The following ZNF469 variants were observed in gnomAD, a reference collection of about 807,000 sequenced individuals.
ZNF469 encodes the protein zinc finger protein 469.
ZNF469 carries 1 observed loss-of-function variant against 1.0 expected under a neutral mutation model. That is an observed-to-expected ratio of 1.00 (90% CI 0.35 to 4.73). The LOEUF is 4.73. Among genes scored for constraint, ZNF469 ranks in the 30% most tolerant of loss-of-function variants. ZNF469 has a pLI of 0.16. For synonymous variants in ZNF469, 2,703 were observed against 2,363.4 expected, an observed-to-expected ratio of 1.14 and a Z score of -4.17; for missense variants, 6,100 against 5,356.3, an observed-to-expected ratio of 1.14 and a Z score of -4.33.
At chr16:88,360,662 A>G in the ZNF469 span, among the ~76,000 whole-genome samples, 29 of 127,288 alleles carry the variant, frequency 2.3e-4, no homozygotes, top group East Asian at 7.7e-4. Flanking sequence ...GTGCTCCCTC[A>G]AAGGCAGTCC....
At chr16:88,381,154 A>C (rs1374287816), upstream of ZNF469, among the ~76,000 whole-genome samples, 1 of 146,700 alleles carries the variant, frequency 6.8e-6, no homozygotes, top group Non-Finnish European at 1.5e-5. Flanking sequence ...ACACACTCAC[A>C]CACAGACACG....
At chr16:88,130,012 G>A in the ZNF469 span, among the ~76,000 whole-genome samples, 1 of 152,162 alleles carries the variant, frequency 6.6e-6, no homozygotes, top group Non-Finnish European at 1.5e-5. Context: ...TCCTGTGGTG[G>A]CAGAAGTTTC....
the ZNF469 span, among the ~76,000 whole-genome samples, chr16:88,172,481 G>A: frequency 3.9e-5 from 6 of 152,288 alleles, no homozygotes; most frequent in South Asian, 2.1e-4. Context: ...CAGAAAGATC[G>A]AACTGATTCC....
chr16:88,202,049 TC>T, the ZNF469 span, among the ~76,000 whole-genome samples: 4 of 151,676 alleles, frequency 2.6e-5, no homozygotes, highest in South Asian at 8.3e-4. Flanking sequence ...CCTGCCGTGC[TC>T]CCCCCAGGAG....
At chr16:88,349,266 C>T in the ZNF469 span, among the ~76,000 whole-genome samples, 1 of 150,758 alleles carries the variant, frequency 6.6e-6, no homozygotes, top group East Asian at 2.0e-4. Context: ...CTGAGCGAGG[C>T]TCTACACGCA....
chr16:88,220,771 G>C, the ZNF469 span, among the ~76,000 whole-genome samples: 2 of 152,118 alleles, frequency 1.3e-5, no homozygotes, highest in African/African-American at 2.4e-5. Flanking sequence ...ACAGACCTTG[G>C]TGCAGCCATG....
chr16:88,141,341 C>G, the ZNF469 span, among the ~76,000 whole-genome samples: 1 of 152,190 alleles, frequency 6.6e-6, no homozygotes, highest in Non-Finnish European at 1.5e-5. Flanking sequence ...AGGAAAGAAA[C>G]ATGCAGCCCG....
intron 1 of ZNF469, among the ~76,000 whole-genome samples, chr16:88,406,134 G>A (rs902012407): frequency 2.0e-5 from 3 of 152,236 alleles, no homozygotes; most frequent in Admixed American, 6.5e-5. Context: ...AGCCAGGCCC[G>A]ACGACCTGCC....
At chr16:88,105,689 G>C in the ZNF469 span, among the ~76,000 whole-genome samples, 1 of 152,230 alleles carries the variant, frequency 6.6e-6, no homozygotes, top group Non-Finnish European at 1.5e-5. Context: ...AATTGGGAAC[G>C]GATGAAGAGC....
Position 88,431,266 on chromosome 16 carries a change from G to A in ZNF469, c.3796G>A (p.Glu1266Lys). Residue 1266 changes from glutamate to lysine, a missense_variant, in exon 3 of 3, where the codon GAG becomes AAG. Coordinates refer to ENST00000565624, the MANE Select transcript of ZNF469 (RefSeq NM_001367624.2). Reference protein sequence around the residue: ...MGASPGLLIPEQPPPSRHDTG... With the variant: ...MGASPGLLIPKQPPPSRHDTG... The stretch of plus-strand genomic sequence containing the variant: ...AGCAAGCCCCGGTCTCCTGATACCA[G>A]AGCAGCCGCCGCCCAGCAGACATGA... 6.5e-7 allele frequency: 1 copy of A among 1,550,348 alleles called. No individual in the cohort carries two copies. The highest frequency in any genetic ancestry group is 8.7e-7 in the Non-Finnish European group (1 of 1,146,966).
At chr16:88,219,944 G>A in the ZNF469 span, among the ~76,000 whole-genome samples, 1 of 152,200 alleles carries the variant, frequency 6.6e-6, no homozygotes, top group African/African-American at 2.4e-5. Context: ...AGGCACCTGA[G>A]ACATTGCTCC....
At chr16:88,258,221 T>C in the ZNF469 span, among the ~76,000 whole-genome samples, 2 of 152,352 alleles carry the variant, frequency 1.3e-5, no homozygotes, top group Non-Finnish European at 2.9e-5. Flanking sequence ...GGTGTGTGTG[T>C]GTGTGTGTTA....
chr16:88,251,538 C>CTTTTTTTTTTTTTTTTTTTTT, the ZNF469 span, among the ~76,000 whole-genome samples: 1 of 51,290 alleles, frequency 1.9e-5, no homozygotes, highest in Non-Finnish European at 3.3e-5. Flanking sequence ...TCCCTGCTGT[C>CTTTTTTTTTTTTTTTTTTTTT]TTTTTTTTTT....
chr16:88,208,009 G>A, the ZNF469 span, among the ~76,000 whole-genome samples: 4 of 152,124 alleles, frequency 2.6e-5, no homozygotes, highest in African/African-American at 9.7e-5. Flanking sequence ...TAAATGTCCT[G>A]TACTTTGTTA....
the ZNF469 span, among the ~76,000 whole-genome samples, chr16:88,242,560 C>T: frequency 6.6e-3 from 998 of 152,320 alleles, 5 homozygotes; most frequent in Non-Finnish European, 9.4e-3. Flanking sequence ...TCTCCAAATA[C>T]GGTCACATTC....
the ZNF469 span, among the ~76,000 whole-genome samples, chr16:88,228,999 A>G: frequency 2.6e-5 from 4 of 152,172 alleles, no homozygotes; most frequent in Non-Finnish European, 4.4e-5. Context: ...CGTCCTTGTC[A>G]AGGTAAGAGC....
chr16:88,330,056 G>C, the ZNF469 span, among the ~76,000 whole-genome samples: 355 of 152,374 alleles, frequency 2.3e-3, 3 homozygotes, highest in African/African-American at 8.1e-3. Flanking sequence ...GAAATGCCAG[G>C]CATAGGCAAA....
At chr16:88,425,330 G>A (rs1038128248) in intron 2 of ZNF469, among the ~76,000 whole-genome samples, 66 of 152,202 alleles carry the variant, frequency 4.3e-4, no homozygotes, top group African/African-American at 1.5e-3. Flanking sequence ...TGGGTAGGGG[G>A]GTCTGACATG....
At position 88,430,565 on chromosome 16, in the gene ZNF469, C is replaced by T; in HGVS notation, c.3095C>T (p.Pro1032Leu). ...TRSSRRRRLP[P>L]RKDPRKRKAR... ...AGCTCCCGGCGCCGCCGGCTGCCCC[C>T]CAGGAAGGACCCCAGGAAGAGGAAG... Residue 1032 changes from proline to leucine, a missense_variant, in exon 3 of 3, where the codon CCC (proline) becomes CTC (leucine). By Grantham distance (98) the Pro-to-Leu change is moderately conservative (BLOSUM62 -3). Coordinates refer to ENST00000565624, the MANE Select transcript of ZNF469 (RefSeq NM_001367624.2). The T allele has an allele frequency of 1.3e-6, 2 of 1,488,658 alleles. No individual in the cohort carries two copies. The highest frequency in any genetic ancestry group is 1.8e-6 in the Non-Finnish European group (2 of 1,126,160). The allele number at this position is 1,488,658 out of a possible 1,614,324, so 92.2% of individuals were successfully genotyped here.
Sources: allele counts gnomAD v4.1 joint callset (sites outside exome capture counted in the v4.1 genomes callset), GRCh38; gene constraint gnomAD v4.1.1; transcripts MANE v1.5; gene names NCBI Gene and HGNC (gene_info 2026-07-23, HGNC 2026-07-21).